The following PCDHGB1 variants were observed in gnomAD, a reference collection of about 807,000 sequenced individuals.
The protein encoded by PCDHGB1 is protocadherin gamma subfamily B, 1.
A neutral mutation model predicts 56.6 loss-of-function variants in PCDHGB1; 34 were observed. The ratio of observed to expected loss-of-function variants is 0.60; its 90% CI spans 0.46 to 0.80. The LOEUF (loss-of-function observed/expected upper bound fraction) is 0.80. Among genes scored for constraint, PCDHGB1 ranks in the 30% least tolerant of loss-of-function variants. The pLI, the probability that PCDHGB1 is intolerant of heterozygous loss-of-function variation, is 0.00. For missense variants in PCDHGB1, 1,278 were observed against 1,204.6 expected (o/e 1.06, Z -0.90); for synonymous variants, 561 against 505.9 (o/e 1.11, Z -1.46).
chr5:141,375,205 A>G (rs1771239671), intron 1 of PCDHGB1: 3 of 1,614,000 alleles, frequency 1.9e-6, no homozygotes, highest in Non-Finnish European at 1.7e-6. Flanking sequence ...TGTTCGATCG[A>G]GACTCTGGCC....
chr5:141,430,826 CTG>C (rs2097313923), intron 1 of PCDHGB1: 1 of 1,550,416 alleles, frequency 6.4e-7, no homozygotes, highest in Non-Finnish European at 8.7e-7. Context: ...CCTGGGGACT[CTG>C]TGGGAGACCG....
In PCDHGB1 at chr5:141,383,217, T is replaced by C. The variant is rs367646444; in HGVS notation, c.2409+30548T>C. The stretch of plus-strand genomic sequence containing the variant: ...AGAGTGCGCGGTGTCTGGTAAACTT[T>C]AACATCCTGATGGAAGATAAAATGA... On this transcript the variant is annotated intron_variant, in intron 1 of 3. Coordinates refer to ENST00000523390, the MANE Select transcript of PCDHGB1 (RefSeq NM_018922.3). 8.1e-6 allele frequency: 13 copies of C among 1,613,876 alleles called. 1 individual carries two copies. The Admixed American group carries it at 1.0e-4, about 12-fold the overall frequency.
chr5:141,361,254 CAG>C, intron 1 of PCDHGB1: 1 of 1,613,964 alleles, frequency 6.2e-7, no homozygotes, highest in South Asian at 1.1e-5. Flanking sequence ...AAACGAGAGA[CAG>C]AGACTCTGGA....
chr5:141,419,395 G>T (rs374575981), intron 1 of PCDHGB1: 50 of 1,613,478 alleles, frequency 3.1e-5, no homozygotes, highest in Non-Finnish European at 4.0e-5. Flanking sequence ...CGCAGAGCGG[G>T]GTGGTGTTCG....
At chr5:141,410,851 T>A in intron 1 of PCDHGB1, 3 of 207,068 alleles carry the variant, frequency 1.4e-5, no homozygotes, top group Non-Finnish European at 1.7e-5. Flanking sequence ...GTCTTTGTCT[T>A]TTTTTTTTTT....
At chr5:141,370,557 G>A (rs1439774902) in intron 1 of PCDHGB1, 1 of 1,613,966 alleles carries the variant, frequency 6.2e-7, no homozygotes, top group East Asian at 2.2e-5. Context: ...CAAGGACCTG[G>A]GGTTTGGCGT....
At chr5:141,459,531 A>G (rs1479666418) in intron 1 of PCDHGB1, among the ~76,000 whole-genome samples, 2 of 152,184 alleles carry the variant, frequency 1.3e-5, no homozygotes, top group Admixed American at 1.3e-4. Context: ...TTTTGTAGGC[A>G]TATTTTTTTT....
At chr5:141,390,271 C>A in intron 1 of PCDHGB1, 1 of 1,614,036 alleles carries the variant, frequency 6.2e-7, no homozygotes, top group Non-Finnish European at 8.5e-7. Context: ...AGTGAATTGA[C>A]TTCCCATCAG....
chr5:141,464,377 T>A (rs1410334231), intron 1 of PCDHGB1, among the ~76,000 whole-genome samples: 3 of 151,486 alleles, frequency 2.0e-5, no homozygotes, highest in Admixed American at 2.0e-4. Flanking sequence ...TTTTGCAATA[T>A]AAAAAATGCT....
In PCDHGB1 at chr5:141,490,647, G is replaced by T; in HGVS notation, c.2410-4160G>T. 6.2e-7 allele frequency: 1 copy of T among 1,614,084 alleles called. No homozygotes were observed. Among genetic ancestry groups the T allele is most frequent in the Non-Finnish European group, 8.5e-7 (1 of 1,180,014 alleles). ...CTTACATCCTAGAAAACCGGCCTCCGGGCTCCCTTCTTTGCACTGTGGCTG... is the reference window on the plus strand; with the variant it reads ...CTTACATCCTAGAAAACCGGCCTCCTGGCTCCCTTCTTTGCACTGTGGCTG... On this transcript the variant is annotated intron_variant, in intron 1 of 3. Transcript: ENST00000523390. This position sits in a 1 kb window ranked among gnomAD's most constrained non-coding sequence, Gnocchi z 5.4.
In PCDHGB1 at chr5:141,510,950, C is replaced by T. The variant is rs770587030; in HGVS notation, c.2561C>T (p.Ala854Val). 1.2e-6 allele frequency: 2 copies of T among 1,614,126 alleles called. No homozygotes were observed. The highest frequency in any genetic ancestry group is 2.2e-5 in the South Asian group (2 of 91,078). ...QAMILASASE[A>V]ADGSSTLGGG... Reference sequence around the variant, plus strand: ...TGATCTTCCTCTGTCTCTGCAGAAGCTGCTGATGGGAGCTCCACCCTGGGA... The same window carrying T: ...TGATCTTCCTCTGTCTCTGCAGAAGTTGCTGATGGGAGCTCCACCCTGGGA... The change falls in exon 4 of 4, where the codon GCT (alanine) becomes GTT (valine). Residue 854 changes from alanine (A) to valine (V), a missense_variant. Physicochemically the swap from Ala to Val is moderately conservative, Grantham distance 64. Transcript: ENST00000523390.
chr5:141,372,541 G>T, intron 1 of PCDHGB1: 16 of 1,613,980 alleles, frequency 9.9e-6, no homozygotes, highest in Non-Finnish European at 1.3e-5. Flanking sequence ...CTGCGCCTGC[G>T]ATGCTCCTCC....
chr5:141,386,745 G>A (rs2090694894), intron 1 of PCDHGB1, among the ~76,000 whole-genome samples: 1 of 152,124 alleles, frequency 6.6e-6, no homozygotes, highest in Non-Finnish European at 1.5e-5. Context: ...AGATCCTATG[G>A]CAGAACTACG....
At chr5:141,475,992 C>A in intron 1 of PCDHGB1, 1 of 1,158,844 alleles carries the variant, frequency 8.6e-7, no homozygotes, top group Non-Finnish European at 1.2e-6. Context: ...GCGAGCAAAT[C>A]AACGGCATCC....
At chr5:141,510,831 A>T (rs2154594660) in intron 3 of PCDHGB1, 116 bp from the exon 4 acceptor site, 1 of 1,577,022 alleles carries the variant, frequency 6.3e-7, no homozygotes, top group East Asian at 2.2e-5. Context: ...CCCAGTGCTC[A>T]GCGTGGTCAA....
chr5:141,384,708 G>A (rs1222018997), intron 1 of PCDHGB1: 3 of 1,613,998 alleles, frequency 1.9e-6, no homozygotes, highest in Non-Finnish European at 2.5e-6. Flanking sequence ...AGAACGCCTG[G>A]CTGTCATACC....
At position 141,351,851 on chromosome 5, in the gene PCDHGB1, A is replaced by G. The variant is rs543692676; in HGVS notation, c.1591A>G (p.Arg531Gly). 3 of 1,613,034 alleles carry G rather than the reference A, an allele frequency of 1.9e-6. No individual in the cohort carries two copies. The highest frequency in any genetic ancestry group is 2.5e-6 in the Non-Finnish European group (3 of 1,179,772). Residue 531 changes from arginine (R) to glycine (G), a missense_variant, in exon 1 of 4, where the codon AGG becomes GGG. By Grantham distance (125) the Arg-to-Gly change is moderately radical. Transcript: ENST00000523390. Reference protein sequence around the residue: ...LRAFELTLQARDQGSPALSAN... With the variant: ...LRAFELTLQAGDQGSPALSAN... ...CGCCTTCGAGCTCACACTGCAGGCCAGGGACCAGGGCTCCCCCGCGCTCAG... is the reference window on the plus strand; with the variant it reads ...CGCCTTCGAGCTCACACTGCAGGCCGGGGACCAGGGCTCCCCCGCGCTCAG...
Position 141,394,191 on chromosome 5 carries a change from T to C in PCDHGB1, c.2409+41522T>C, listed in dbSNP as rs775886477. 3 of 1,613,764 alleles carry C rather than the reference T, an allele frequency of 1.9e-6. No homozygotes were observed. The Admixed American group carries it at 5.0e-5, about 27-fold the overall frequency. On this transcript the variant is annotated intron_variant, in intron 1 of 3. Coordinates refer to ENST00000523390, the MANE Select transcript of PCDHGB1 (RefSeq NM_018922.3). ...TTTCCCTCATGCCTCCTACTCAGCG[T>C]ATATCCTAGAGAACAACCTGAGAGG...
chr5:141,422,719 CA>C (rs2096667277), intron 1 of PCDHGB1: 1 of 1,604,786 alleles, frequency 6.2e-7, no homozygotes, highest in Admixed American at 1.7e-5. Flanking sequence ...TGACACTGTC[CA>C]GGGGGTGCCT....
Sources: allele counts gnomAD v4.1 joint callset (sites outside exome capture counted in the v4.1 genomes callset), GRCh38; gene constraint gnomAD v4.1.1; non-coding constraint Gnocchi (gnomAD v3.1); transcripts MANE v1.5; gene names NCBI Gene and HGNC (gene_info 2026-07-23, HGNC 2026-07-21).